Variants in CA10 observed in about 807,000 individuals in gnomAD.
CA10 encodes the protein carbonic anhydrase 10 (inactive).
A neutral mutation model predicts 44.2 loss-of-function variants in CA10; 14 were observed. The observed-to-expected ratio is 0.32, with a 90% CI of 0.21 to 0.50. CA10 has a LOEUF of 0.50. CA10 is among the 20% of genes least tolerant of loss of function. The probability of loss-of-function intolerance (pLI) is 0.99; values close to 1 mark genes in which losing one functional copy is unlikely to be tolerated. For missense variants in CA10, 350 were observed against 409.7 expected (o/e 0.85, Z 1.26); for synonymous variants, 159 against 141.6 (o/e 1.12, Z -0.87).
chr17:51,970,557 G>A (rs1984245812), intron 2 of CA10, among the ~76,000 whole-genome samples: 2 of 152,064 alleles, frequency 1.3e-5, no homozygotes, highest in South Asian at 4.1e-4. Context: ...GAGCATAGAT[G>A]TGTTGCTAAT....
At chr17:51,916,921 T>C (rs1444887327) in intron 3 of CA10, among the ~76,000 whole-genome samples, 2 of 152,134 alleles carry the variant, frequency 1.3e-5, no homozygotes, top group Non-Finnish European at 2.9e-5. Context: ...GATATGAATA[T>C]TTGTAACTAA....
intron 4 of CA10, among the ~76,000 whole-genome samples, chr17:51,705,745 AC>A (rs1167844140): frequency 2.6e-5 from 4 of 152,058 alleles, no homozygotes; most frequent in Non-Finnish European, 5.9e-5. Flanking sequence ...AAGGGGGAGG[AC>A]CCTTTTGAAC....
At chr17:52,021,611 C>T (rs1986141979) in intron 2 of CA10, among the ~76,000 whole-genome samples, 1 of 151,782 alleles carries the variant, frequency 6.6e-6, no homozygotes, top group Admixed American at 6.6e-5. Context: ...ACAGGAAAAC[C>T]AAAGTTTATT....
chr17:51,631,454 G>T lies in CA10; in HGVS notation c.*130C>A. 1.2e-6 allele frequency: 1 copy of T among 864,114 alleles called. No homozygotes were observed. Among genetic ancestry groups the T allele is most frequent in the South Asian group, 1.4e-5 (1 of 69,734 alleles). The allele number at this position is 864,114 out of a possible 1,614,324, so 53.5% of individuals were successfully genotyped here. On this transcript the variant is annotated 3_prime_UTR_variant, in exon 9 of 9. Coordinates refer to ENST00000451037, the MANE Select transcript of CA10 (RefSeq NM_020178.5). ...TTTGCAGACACTTTTCATGAAGAAA[G>T]GGCCAATCCCAAGAATGAATGAGGC... is the stretch of plus-strand genomic sequence containing the variant.
At chr17:52,116,567 T>C (rs1445887088) in intron 1 of CA10, among the ~76,000 whole-genome samples, 1 of 152,092 alleles carries the variant, frequency 6.6e-6, no homozygotes, top group Non-Finnish European at 1.5e-5. Flanking sequence ...GATTCGGGAA[T>C]AAAAAGATGG....
At chr17:52,000,098 T>G (rs1985371656) in intron 2 of CA10, among the ~76,000 whole-genome samples, 1 of 152,080 alleles carries the variant, frequency 6.6e-6, no homozygotes, top group African/African-American at 2.4e-5. Context: ...AATAGGCAAT[T>G]TGCATTTTAA....
chr17:51,679,397 C>A (rs1279398787), intron 4 of CA10, among the ~76,000 whole-genome samples: 3 of 151,506 alleles, frequency 2.0e-5, no homozygotes, highest in Non-Finnish European at 4.4e-5. Flanking sequence ...GTAGCTGGGA[C>A]TACAAGTGCC....
At chr17:51,727,465 G>C (rs1230791707) in intron 4 of CA10, among the ~76,000 whole-genome samples, 2 of 151,728 alleles carry the variant, frequency 1.3e-5, no homozygotes, top group Non-Finnish European at 2.9e-5. Context: ...AGATCTTTAT[G>C]AACAGAGATG....
intron 2 of CA10, among the ~76,000 whole-genome samples, chr17:52,013,831 T>C (rs1985884198): frequency 6.6e-6 from 1 of 151,962 alleles, no homozygotes; most frequent in Non-Finnish European, 1.5e-5. Flanking sequence ...GTCCTTTATA[T>C]AAAATAACGT....
At chr17:51,692,366 C>CCTATCTATCTAT (rs71728413) in intron 4 of CA10, among the ~76,000 whole-genome samples, 76 of 141,262 alleles carry the variant, frequency 5.4e-4, no homozygotes, top group Admixed American at 8.6e-4. Context: ...ACCTATCCAT[C>CCTATCTATCTAT]CTATCTATCT....
intron 3 of CA10, among the ~76,000 whole-genome samples, chr17:51,915,335 C>CTGT (rs1209310044): frequency 2.0e-5 from 3 of 152,184 alleles, no homozygotes; most frequent in African/African-American, 7.2e-5. Context: ...TTAGAAGTCT[C>CTGT]TGTTATTAAT....
intron 4 of CA10, among the ~76,000 whole-genome samples, chr17:51,663,237 A>AT (rs1914074549): frequency 0.014 from 1 of 74 alleles, no homozygotes; most frequent in African/African-American, 0.056. Context: ...TTTCGAGACC[A>AT]CTTTTTCTCG....
intron 1 of CA10, among the ~76,000 whole-genome samples, chr17:52,139,528 G>A (rs1989432257): frequency 6.7e-6 from 1 of 150,098 alleles, no homozygotes; most frequent in Non-Finnish European, 1.5e-5. Context: ...TGGAGAGCTT[G>A]GTTCAAATCC....
At chr17:51,902,345 A>T (rs920132150) in intron 3 of CA10, among the ~76,000 whole-genome samples, 6 of 152,206 alleles carry the variant, frequency 3.9e-5, no homozygotes, top group Non-Finnish European at 8.8e-5. Context: ...CTGATGAGTG[A>T]TAATGTAAAG....
intron 3 of CA10, among the ~76,000 whole-genome samples, chr17:51,860,018 A>G (rs1335989042): frequency 1.3e-5 from 2 of 152,186 alleles, no homozygotes; most frequent in African/African-American, 4.8e-5. Flanking sequence ...ATGCAGAAAA[A>G]GAAGTGTGCA....
At chr17:51,840,184 G>C (rs1296282236) in intron 3 of CA10, among the ~76,000 whole-genome samples, 1 of 152,172 alleles carries the variant, frequency 6.6e-6, no homozygotes, top group Non-Finnish European at 1.5e-5. Flanking sequence ...GGTGAGGCAG[G>C]TGAAGTATTT....
At chr17:52,126,618 T>A (rs1989125372) in intron 1 of CA10, among the ~76,000 whole-genome samples, 1 of 152,198 alleles carries the variant, frequency 6.6e-6, no homozygotes, top group Non-Finnish European at 1.5e-5. Flanking sequence ...AAATGGGCAT[T>A]TTCATGCCCA....
intron 3 of CA10, among the ~76,000 whole-genome samples, chr17:51,789,238 A>G (rs905004993): frequency 3.9e-5 from 6 of 152,106 alleles, no homozygotes; most frequent in African/African-American, 1.4e-4. Context: ...CTGGTCTCGA[A>G]CTTATGACCT....
chr17:51,710,921 CTTTTTTTTTTTT>C (rs55854155), intron 4 of CA10, among the ~76,000 whole-genome samples: 4 of 84,472 alleles, frequency 4.7e-5, no homozygotes, highest in African/African-American at 1.9e-4. Flanking sequence ...CAACATTTTG[CTTTTTTTTTTTT>C]TTTTTTTTTT....
Sources: gnomAD v4.1 joint callset for allele counts (sites outside exome capture counted in the v4.1 genomes callset) on GRCh38, gnomAD v4.1.1 for gene constraint, MANE v1.5 for transcripts, NCBI Gene and HGNC (gene_info 2026-07-23, HGNC 2026-07-21) for gene names.